BRWD3: variants seen among roughly 807,000 people sequenced by gnomAD.
BRWD3 encodes the protein bromodomain and WD repeat domain containing 3.
Under a neutral mutation model 149.7 loss-of-function variants are expected in BRWD3, and 10 were observed. The ratio of observed to expected loss-of-function variants is 0.07; its 90% CI spans 0.04 to 0.11. BRWD3 has a LOEUF of 0.11. Ranked by LOEUF, BRWD3 falls within the 10% of genes least tolerant of loss-of-function variation. The pLI is 1.00. For synonymous variants in BRWD3, 504 were observed against 456.7 expected, an observed-to-expected ratio of 1.10 and a Z score of -1.32; for missense variants, 940 against 1,373.2, an observed-to-expected ratio of 0.68 and a Z score of 4.99.
chrX:80,743,901 G>C (rs373289070), intron 8 of BRWD3, 131 bp downstream of exon 8: 3 of 468,761 alleles, frequency 6.4e-6, no homozygotes, highest in Non-Finnish European at 1.1e-5. Flanking sequence ...CTGCAGGGTA[G>C]GAGCAAAGTC....
rs755000778 is a variant in BRWD3 at position 80,713,692 on chromosome X, A to G, written c.2325+2465T>C. 1.4e-3 allele frequency among the ~76,000 whole-genome samples: 153 copies of G among 111,476 alleles called. 3 individuals carry two copies. The highest frequency in any genetic ancestry group is 4.8e-3 in the African/African-American group (148 of 30,696). ...AGACACCCAAGAATGATCAATAAAA[A>G]AATAAAAAATAAAAAAAACAAATAA... On this transcript the variant is annotated intron_variant, in intron 20 of 40. Transcript: ENST00000373275.
intron 4 of BRWD3, among the ~76,000 whole-genome samples, chrX:80,801,128 T>TA (rs767636217): frequency 9.4e-6 from 1 of 106,154 alleles, no homozygotes; most frequent in South Asian, 4.1e-4. Context: ...ATCATGCTTC[T>TA]AAAAAAAGTT....
rs2072873410 is a variant in BRWD3, at chrX:80,706,802, G to A, written c.2552+625C>T. ...CCCTGCTACGCAGGAGGCTGAGGTG[G>A]GACGACTGCTTGAGCCCAGGAGTTC... On this transcript the variant is annotated intron_variant, in intron 22 of 40. Coordinates refer to ENST00000373275, the MANE Select transcript of BRWD3 (RefSeq NM_153252.5). Among the ~76,000 whole-genome samples the A allele has an allele frequency of 2.7e-5, 3 of 112,908 alleles. No individual in the cohort carries two copies. In the South Asian group the frequency reaches 1.1e-3, roughly 41 times the overall value.
At position 80,712,321 on chromosome X, in the gene BRWD3, G is replaced by A. The variant is rs1056814231; in HGVS notation, c.2326-2744C>T. On this transcript the variant is annotated intron_variant, in intron 20 of 40. Coordinates refer to ENST00000373275, the MANE Select transcript of BRWD3 (RefSeq NM_153252.5). ...GCGCCGCCACACCTGACTGGTTTTC[G>A]TATTTTTTTGGTGGAGACGGGGTTT... Among the ~76,000 whole-genome samples the A allele has an allele frequency of 1.8e-4, 19 of 105,712 alleles. 1 individual carries two copies. The highest frequency in any genetic ancestry group is 5.8e-4 in the African/African-American group (17 of 29,478). The allele number at this position is 105,712 out of a possible 115,157, so 91.8% of individuals were successfully genotyped here.
rs749871336 is a variant in BRWD3, at chrX:80,791,940, G to A, written c.344C>T (p.Thr115Ile). ...LLRDAKDCKS[T>I]LWNGSAFAAL... ...CGCAAAAGCAGACCCATTCCATAGT[G>A]TACTCTTACAGTCTATATAAAAAGA... The change falls in exon 6 of 41, where the codon ACA (threonine) becomes ATA (isoleucine). Residue 115 changes from threonine to isoleucine, a missense_variant. Thr to Ile is a moderately conservative substitution (Grantham distance 89, BLOSUM62 -1). Transcript: ENST00000373275. 1.8e-5 allele frequency: 22 copies of A among 1,191,563 alleles called. No homozygotes were observed. Among genetic ancestry groups the A allele is most frequent in the Non-Finnish European group, 2.5e-5 (22 of 879,197 alleles).
At chrX:80,795,103 G>A (rs900966594) in intron 4 of BRWD3, among the ~76,000 whole-genome samples, 13 of 111,169 alleles carry the variant, frequency 1.2e-4, no homozygotes, top group African/African-American at 4.2e-4. Context: ...CTGGACATTA[G>A]ATACCATATA....
intron 4 of BRWD3, among the ~76,000 whole-genome samples, chrX:80,802,614 T>C (rs1284303124): frequency 9.1e-6 from 1 of 110,262 alleles, no homozygotes; most frequent in Non-Finnish European, 1.9e-5. Context: ...TTGCACAGCA[T>C]TTTACAATTA....
intron 8 of BRWD3, among the ~76,000 whole-genome samples, chrX:80,739,883 T>G (rs1442056401): frequency 8.9e-6 from 1 of 112,205 alleles, no homozygotes; most frequent in African/African-American, 3.2e-5. Context: ...ATTCACCTAT[T>G]TTCAAACCAT....
At chrX:80,760,626 C>T (rs1032367887) in intron 6 of BRWD3, among the ~76,000 whole-genome samples, 18 of 111,006 alleles carry the variant, frequency 1.6e-4, no homozygotes, top group Admixed American at 9.6e-5. Flanking sequence ...ATATTGTAAC[C>T]CAAATTAACA....
At chrX:80,700,190 T>C (rs758417029) in intron 24 of BRWD3, 126 bp from the exon 25 acceptor site, 3 of 524,573 alleles carry the variant, frequency 5.7e-6, no homozygotes, top group Middle Eastern at 5.7e-4. Context: ...AAAGACTTTA[T>C]ACAATAAAGG....
At chrX:80,682,340 AGTT>A in intron 38 of BRWD3, 122 bp downstream of exon 38, 1 of 792,058 alleles carries the variant, frequency 1.3e-6, no homozygotes. Flanking sequence ...TAGGCATAAG[AGTT>A]TAGGAAACAA....
At chrX:80,700,134 TACAA>T in intron 24 of BRWD3, 70 bp from the exon 25 acceptor site, 2 of 733,496 alleles carry the variant, frequency 2.7e-6, no homozygotes, top group African/African-American at 2.1e-5. Context: ...TATACATTCC[TACAA>T]ACATCCTCTT....
intron 10 of BRWD3, among the ~76,000 whole-genome samples, 190 bp from the exon 11 acceptor site, chrX:80,734,408 C>T (rs1452897270): frequency 9.0e-6 from 1 of 111,692 alleles, no homozygotes; most frequent in Non-Finnish European, 1.9e-5. Context: ...CCAACAAAAT[C>T]TACAAACTAT....
At position 80,671,311 on chromosome X, in the gene BRWD3, T is replaced by C. The variant is rs186356745; in HGVS notation, c.*5298A>G. ...ATCCTAAAAGTGACCCAAAGAATAT[T>C]TGCAATGTCTAAGATGAAAACAAAA... On this transcript the variant is annotated 3_prime_UTR_variant, in exon 41 of 41. Transcript: ENST00000373275. The C allele has an allele frequency of 8.9e-6, 1 of 111,946 alleles. No individual in the cohort carries two copies. Among genetic ancestry groups the C allele is most frequent in the East Asian group, 2.8e-4 (1 of 3,584 alleles). The allele number at this position is 111,946 out of a possible 1,213,427, so 9.2% of individuals were successfully genotyped here. A position where few individuals can be genotyped will look rare whatever the true frequency, so the allele number is the denominator to read the frequency against.
chrX:80,767,279 T>C (rs2073873800), intron 6 of BRWD3, among the ~76,000 whole-genome samples: 1 of 111,805 alleles, frequency 8.9e-6, no homozygotes, highest in South Asian at 3.8e-4. Context: ...GTAGCCTAAC[T>C]GGGAGACACT....
chrX:80,760,329 A>T (rs972483721), intron 6 of BRWD3, among the ~76,000 whole-genome samples: 1 of 111,895 alleles, frequency 8.9e-6, no homozygotes, highest in Non-Finnish European at 1.9e-5. Flanking sequence ...GTGCTAATGA[A>T]CAGTAACAGG....
intron 6 of BRWD3, among the ~76,000 whole-genome samples, chrX:80,778,301 A>G (rs1195593908): frequency 1.8e-5 from 2 of 112,192 alleles, no homozygotes; most frequent in East Asian, 5.6e-4. Flanking sequence ...TACAAGATTA[A>G]GAAAATCCTG....
chrX:80,705,602 A>G (rs752345055), intron 22 of BRWD3, among the ~76,000 whole-genome samples: 78 of 111,862 alleles, frequency 7.0e-4, no homozygotes, highest in Non-Finnish European at 1.2e-3. Context: ...GTATACTTAC[A>G]CAAACCTAGA....
chrX:80,750,837 G>C (rs896913333), intron 6 of BRWD3, among the ~76,000 whole-genome samples: 1 of 92,890 alleles, frequency 1.1e-5, no homozygotes, highest in African/African-American at 4.0e-5. Context: ...TCCATCAGAT[G>C]AATGAATCAA....
Sources: allele counts gnomAD v4.1 joint callset (sites outside exome capture counted in the v4.1 genomes callset), GRCh38; gene constraint gnomAD v4.1.1; transcripts MANE v1.5; gene names NCBI Gene and HGNC (gene_info 2026-07-23, HGNC 2026-07-21).